Variants in SPAG16 observed in about 807,000 individuals in gnomAD.
SPAG16 encodes the protein sperm-associated antigen 16 protein.
Under a neutral mutation model 80.4 loss-of-function variants are expected in SPAG16, and 86 were observed. The observed-to-expected ratio is 1.07, with a 90% CI of 0.90 to 1.28. The LOEUF (loss-of-function observed/expected upper bound fraction) is 1.28. Among genes scored for constraint, SPAG16 ranks in the 50% most tolerant of loss-of-function variants. SPAG16 has a pLI of 0.00. For synonymous variants in SPAG16, 294 were observed against 265.9 expected, an observed-to-expected ratio of 1.11 and a Z score of -1.03; for missense variants, 870 against 765.3, an observed-to-expected ratio of 1.14 and a Z score of -1.61.
At chr2:213,936,290 G>A (rs2078985842) in intron 12 of SPAG16, among the ~76,000 whole-genome samples, 1 of 152,172 alleles carries the variant, frequency 6.6e-6, no homozygotes, top group Non-Finnish European at 1.5e-5. Context: ...AAATGAGTAT[G>A]TACATATAAT....
intron 10 of SPAG16, among the ~76,000 whole-genome samples, chr2:213,792,084 G>C (rs894420025): frequency 3.9e-5 from 6 of 152,148 alleles, no homozygotes; most frequent in Admixed American, 3.3e-4. Flanking sequence ...CAAATTCTCA[G>C]AAATGTTGTT....
At chr2:213,308,896 A>G (rs889610671) in intron 3 of SPAG16, among the ~76,000 whole-genome samples, 7 of 152,132 alleles carry the variant, frequency 4.6e-5, no homozygotes, top group Non-Finnish European at 1.5e-5. Flanking sequence ...ATAAAGTTCC[A>G]AAAGCTATAG....
At chr2:214,060,799 C>T (rs1183692878) in intron 13 of SPAG16, among the ~76,000 whole-genome samples, 1 of 151,874 alleles carries the variant, frequency 6.6e-6, no homozygotes, top group Admixed American at 6.6e-5. Flanking sequence ...ATCTCAAGTA[C>T]CTGATACATT....
chr2:214,021,890 A>G (rs555287586), intron 13 of SPAG16, among the ~76,000 whole-genome samples: 19 of 152,104 alleles, frequency 1.2e-4, no homozygotes, highest in Non-Finnish European at 2.2e-4. Flanking sequence ...AACATATAAC[A>G]TGATCTTTCC....
At chr2:213,354,069 C>T (rs527390831) in intron 7 of SPAG16, among the ~76,000 whole-genome samples, 21 of 152,178 alleles carry the variant, frequency 1.4e-4, no homozygotes, top group Admixed American at 3.3e-4. Flanking sequence ...TGGTGTGTGA[C>T]GCTCCCTGCC....
intron 15 of SPAG16, among the ~76,000 whole-genome samples, chr2:214,368,753 A>G (rs1699637116): frequency 6.6e-6 from 1 of 152,128 alleles, no homozygotes; most frequent in Admixed American, 6.6e-5. Flanking sequence ...TACTCCAATG[A>G]CAGAAATTCA....
intron 15 of SPAG16, among the ~76,000 whole-genome samples, chr2:214,235,305 A>G (rs1012911646): frequency 2.6e-5 from 4 of 152,142 alleles, no homozygotes; most frequent in Non-Finnish European, 2.9e-5. Context: ...GAGTCCATTG[A>G]GTCCAAACTC....
At chr2:213,792,287 T>G (rs2070747757) in intron 10 of SPAG16, among the ~76,000 whole-genome samples, 1 of 152,222 alleles carries the variant, frequency 6.6e-6, no homozygotes, top group Non-Finnish European at 1.5e-5. Flanking sequence ...ATATTCCATT[T>G]GACTTCATTG....
chr2:213,522,791 C>T lies in SPAG16; in HGVS notation c.1070+32701C>T, dbSNP rs151324100. Among the ~76,000 whole-genome samples, 116 of 139,670 alleles carry T rather than the reference C, an allele frequency of 8.3e-4. 1 individual carries two copies. The highest frequency in any genetic ancestry group is 4.0e-3 in the Middle Eastern group (1 of 250). 91.6% of individuals were successfully genotyped at this position (139,670 alleles called of 152,430 possible). Reference sequence around the variant, plus strand: ...TATATTCTAAAATGCCCAAAACTTACATGCCAAATATATATATATATATAA... The same window carrying T: ...TATATTCTAAAATGCCCAAAACTTATATGCCAAATATATATATATATATAA... On this transcript the variant is annotated intron_variant, in intron 10 of 15. Transcript: ENST00000331683.
At chr2:213,299,943 T>C (rs1039925803) in intron 3 of SPAG16, among the ~76,000 whole-genome samples, 7 of 152,142 alleles carry the variant, frequency 4.6e-5, no homozygotes, top group Non-Finnish European at 1.0e-4. Context: ...TATGTAAATA[T>C]ATGAAAAGAA....
chr2:213,989,933 C>CA (rs1194479219), intron 12 of SPAG16, among the ~76,000 whole-genome samples: 3 of 151,676 alleles, frequency 2.0e-5, no homozygotes, highest in Non-Finnish European at 4.4e-5. Flanking sequence ...GTTCATATTG[C>CA]AAAAAAATAA....
chr2:213,353,538 G>A (rs531892893), intron 7 of SPAG16, among the ~76,000 whole-genome samples: 1 of 152,318 alleles, frequency 6.6e-6, no homozygotes, highest in African/African-American at 2.4e-5. Context: ...TGCCTGAAAA[G>A]CTAACAGCAA....
intron 15 of SPAG16, among the ~76,000 whole-genome samples, chr2:214,161,357 G>C (rs1559094420): frequency 6.6e-6 from 1 of 152,064 alleles, no homozygotes; most frequent in South Asian, 2.1e-4. Flanking sequence ...TTCAGGTTCT[G>C]GATCTCTGAG....
intron 4 of SPAG16, among the ~76,000 whole-genome samples, chr2:213,314,037 A>T (rs59078087): frequency 6.6e-6 from 1 of 151,842 alleles, no homozygotes; most frequent in Non-Finnish European, 1.5e-5. Flanking sequence ...TATTCTTCTG[A>T]CACCATTTCT....
In SPAG16 at chr2:213,309,960, A is replaced by T. The variant is rs2063115870; in HGVS notation, c.280-99A>T. 1.4e-5 allele frequency: 10 copies of T among 733,892 alleles called. 1 individual carries two copies. The South Asian group carries it at 2.0e-4, about 15-fold the overall frequency. 45.5% of individuals were successfully genotyped at this position (733,892 alleles called of 1,614,324 possible). On this transcript the variant is annotated intron_variant, in intron 3 of 15. Coordinates refer to ENST00000331683, the MANE Select transcript of SPAG16 (RefSeq NM_024532.5). ...ATAACAGTCAACAAACATTGTTGAA[A>T]AAAAATGAATGGATGAATGAATGAG...
At chr2:214,124,509 T>C (rs533248691) in intron 14 of SPAG16, among the ~76,000 whole-genome samples, 2 of 151,886 alleles carry the variant, frequency 1.3e-5, no homozygotes, top group African/African-American at 2.4e-5. Flanking sequence ...ATTTTTAAGA[T>C]TGTTTTACAT....
At chr2:213,548,462 C>T (rs1371211443) in intron 10 of SPAG16, among the ~76,000 whole-genome samples, 2 of 152,174 alleles carry the variant, frequency 1.3e-5, no homozygotes, top group African/African-American at 2.4e-5. Context: ...CTGCCCGCCT[C>T]GGCCTTCCAA....
At chr2:214,108,165 A>G (rs775223955) in intron 13 of SPAG16, 31 bp from the exon 14 acceptor site, 26 of 1,517,426 alleles carry the variant, frequency 1.7e-5, no homozygotes, top group Non-Finnish European at 2.2e-5. Flanking sequence ...AAAGAAATTT[A>G]TTTGACTCTG....
Position 213,468,594 on chromosome 2 carries a change from TA to T in SPAG16, c.943-21368del, listed in dbSNP as rs1185687030. ...ATATCTATGTATTTATATATAGAGA[TA>T]TATATATCTATGTATTTATATATAG... On this transcript the variant is annotated intron_variant, in intron 9 of 15. Coordinates refer to ENST00000331683, the MANE Select transcript of SPAG16 (RefSeq NM_024532.5). Among the ~76,000 whole-genome samples, 24 of 145,612 alleles carry T rather than the reference TA, an allele frequency of 1.6e-4. No individual in the cohort carries two copies. In the South Asian group the frequency reaches 4.8e-3, roughly 29 times the overall value.
Sources: gnomAD v4.1 joint callset for allele counts (sites outside exome capture counted in the v4.1 genomes callset) on GRCh38, gnomAD v4.1.1 for gene constraint, MANE v1.5 for transcripts, NCBI Gene and HGNC (gene_info 2026-07-23, HGNC 2026-07-21) for gene names.